The following KCNJ16 variants were observed in gnomAD, a reference collection of about 807,000 sequenced individuals.
The protein encoded by KCNJ16 is potassium inwardly rectifying channel subfamily J member 16.
KCNJ16 carries 15 observed loss-of-function variants against 18.5 expected under a neutral mutation model. That is an observed-to-expected ratio of 0.81 (90% CI 0.54 to 1.25). The LOEUF (loss-of-function observed/expected upper bound fraction) is 1.25. KCNJ16 is among the 50% of genes most tolerant of loss of function. The pLI is 0.00. For synonymous variants in KCNJ16, 174 were observed against 186.5 expected, an observed-to-expected ratio of 0.93 and a Z score of 0.55; for missense variants, 523 against 525.7, an observed-to-expected ratio of 0.99 and a Z score of 0.05.
At chr17:70,090,757 C>T (rs761726914) in intron 1 of KCNJ16, among the ~76,000 whole-genome samples, 5 of 152,048 alleles carry the variant, frequency 3.3e-5, no homozygotes, top group Non-Finnish European at 5.9e-5. Flanking sequence ...CACAATACCG[C>T]TAACCCACTC....
At chr17:70,096,458 T>C (rs899046994) in intron 1 of KCNJ16, among the ~76,000 whole-genome samples, 3 of 42,002 alleles carry the variant, frequency 7.1e-5, no homozygotes, top group Admixed American at 6.4e-4. Context: ...ATGAACTTAT[T>C]TAATTTTTAA....
intron 2 of KCNJ16, among the ~76,000 whole-genome samples, chr17:70,121,415 G>A (rs1232648592): frequency 6.6e-6 from 1 of 152,116 alleles, no homozygotes; most frequent in Non-Finnish European, 1.5e-5. Flanking sequence ...TGGCCCTCAG[G>A]CTGCAGTTTT....
intron 1 of KCNJ16, among the ~76,000 whole-genome samples, chr17:70,084,767 CCTT>C (rs1037897824): frequency 1.3e-5 from 2 of 152,106 alleles, no homozygotes; most frequent in African/African-American, 4.8e-5. Context: ...GCTTATCTCT[CCTT>C]TAAGCTGAGG....
chr17:70,093,158 G>C lies in KCNJ16; in HGVS notation c.-299-7500G>C, dbSNP rs376860592. On this transcript the variant is annotated intron_variant, in intron 1 of 3. Transcript: ENST00000392671. ...AAAAAGGTGAAATAACCTTTTGGAC[G>C]CAAGTGTGGATGCTCTATAGTATTA... 7.2e-5 allele frequency among the ~76,000 whole-genome samples: 11 copies of C among 152,314 alleles called. No individual in the cohort carries two copies. In the East Asian group the frequency reaches 2.1e-3, roughly 29 times the overall value.
At chr17:70,114,027 A>C (rs1052907757) in intron 2 of KCNJ16, among the ~76,000 whole-genome samples, 1 of 152,112 alleles carries the variant, frequency 6.6e-6, no homozygotes, top group Admixed American at 6.6e-5. Context: ...GATGCTATCT[A>C]TCTGGATCTT....
intron 2 of KCNJ16, among the ~76,000 whole-genome samples, chr17:70,103,313 T>C (rs1398217327): frequency 1.2e-4 from 2 of 16,684 alleles, no homozygotes; most frequent in African/African-American, 1.5e-4. Context: ...TATATATATA[T>C]ATATATATAC....
chr17:70,133,220 C>A lies in KCNJ16; in HGVS notation c.1133C>A (p.Ala378Asp). The change falls in exon 4 of 4, where the codon GCC becomes GAC. Residue 378 changes from alanine to aspartate, a missense_variant. Coordinates refer to ENST00000392671, the MANE Select transcript of KCNJ16 (RefSeq NM_170741.4). Reference sequence around the variant, plus strand: ...AGACGAAGGTCATTTAGTGCAGTTGCCATTGTCAGCAGCTGTGAAAACCCT... The same window carrying A: ...AGACGAAGGTCATTTAGTGCAGTTGACATTGTCAGCAGCTGTGAAAACCCT... ...KARRRSFSAV[A>D]IVSSCENPEE... The A allele has an allele frequency of 6.2e-7, 1 of 1,614,204 alleles. No individual in the cohort carries two copies. The highest frequency in any genetic ancestry group is 1.3e-5 in the African/African-American group (1 of 75,048).
In KCNJ16 at chr17:70,135,605, A is replaced by G. The variant is rs1395841783; in HGVS notation, c.*2261A>G. 1 of 163,900 alleles carries G rather than the reference A, an allele frequency of 6.1e-6. No homozygotes were observed. The highest frequency in any genetic ancestry group is 1.5e-5 in the Non-Finnish European group (1 of 68,104). The allele number at this position is 163,900 out of a possible 1,614,324, so 10.2% of individuals were successfully genotyped here. A position where few individuals can be genotyped will look rare whatever the true frequency, so the allele number is the denominator to read the frequency against. On this transcript the variant is annotated 3_prime_UTR_variant, in exon 4 of 4. Transcript: ENST00000392671. ...ATAATAAAGATCTTAAAATAATGCAAAAACTGTGTGCATATACCTATATTT... is the reference window on the plus strand; with the variant it reads ...ATAATAAAGATCTTAAAATAATGCAGAAACTGTGTGCATATACCTATATTT...
intron 2 of KCNJ16, among the ~76,000 whole-genome samples, chr17:70,111,467 T>C (rs896820066): frequency 6.6e-6 from 1 of 152,134 alleles, no homozygotes; most frequent in Non-Finnish European, 1.5e-5. Flanking sequence ...TGTACCACGC[T>C]GAATACTTGG....
rs2074141479 is a variant in KCNJ16, at chr17:70,133,582, T to C, written c.*238T>C. On this transcript the variant is annotated 3_prime_UTR_variant, in exon 4 of 4. Coordinates refer to ENST00000392671, the MANE Select transcript of KCNJ16 (RefSeq NM_170741.4). ...TGCTATTAAGCCTAATTGATTAAAA[T>C]TTATCTTTTTTATTATCTTACATGC... 1 of 386,734 alleles carries C rather than the reference T, an allele frequency of 2.6e-6. No homozygotes were observed. Among genetic ancestry groups the C allele is most frequent in the East Asian group, 4.2e-5 (1 of 23,970 alleles). The allele number at this position is 386,734 out of a possible 1,614,324, so 24.0% of individuals were successfully genotyped here. A position where few individuals can be genotyped will look rare whatever the true frequency, so the allele number is the denominator to read the frequency against.
At chr17:70,101,345 C>T (rs759988508) in intron 2 of KCNJ16, 7 of 152,090 alleles carry the variant, frequency 4.6e-5, no homozygotes, top group Non-Finnish European at 8.8e-5. Flanking sequence ...TAAAATGATT[C>T]CGTTCAGAAC....
At chr17:70,075,969 T>A (rs547142640) in intron 1 of KCNJ16, among the ~76,000 whole-genome samples, 23 of 1,874 alleles carry the variant, frequency 0.012, no homozygotes, top group South Asian at 0.07. Context: ...CTCTAAAGCT[T>A]TTTTTTTTTT....
intron 2 of KCNJ16, among the ~76,000 whole-genome samples, chr17:70,129,254 A>AT (rs1373665740): frequency 6.6e-6 from 1 of 152,270 alleles, no homozygotes. Flanking sequence ...TTACGAAAGC[A>AT]TCGAAGCACT....
At chr17:70,130,682 A>G (rs1228840427) in intron 2 of KCNJ16, among the ~76,000 whole-genome samples, 197 bp from the exon 3 acceptor site, 1 of 152,208 alleles carries the variant, frequency 6.6e-6, no homozygotes, top group African/African-American at 2.4e-5. Flanking sequence ...GGTTAGTTCC[A>G]AGGGGTCTTT....
chr17:70,131,049 T>C, intron 3 of KCNJ16, 74 bp downstream of exon 3: 1 of 1,375,310 alleles, frequency 7.3e-7, no homozygotes, highest in Non-Finnish European at 1.0e-6. Context: ...TGCCTAAGGA[T>C]GTCCGTGAAA....
chr17:70,106,909 T>C (rs993758346), intron 2 of KCNJ16, among the ~76,000 whole-genome samples: 3 of 152,198 alleles, frequency 2.0e-5, no homozygotes, highest in Admixed American at 6.5e-5. Flanking sequence ...TGATCTTTAT[T>C]AAGAGGTGGC....
At chr17:70,114,481 T>C (rs1336044848) in intron 2 of KCNJ16, among the ~76,000 whole-genome samples, 1 of 152,138 alleles carries the variant, frequency 6.6e-6, no homozygotes, top group African/African-American at 2.4e-5. Context: ...TGTTTTGAAA[T>C]GCACAGTTAG....
intron 2 of KCNJ16, among the ~76,000 whole-genome samples, chr17:70,105,818 G>C (rs1037381318): frequency 1.3e-5 from 2 of 152,194 alleles, no homozygotes; most frequent in Non-Finnish European, 2.9e-5. Context: ...TTCACTAGAA[G>C]AAGTGGCACA....
intron 2 of KCNJ16, among the ~76,000 whole-genome samples, chr17:70,129,933 T>C (rs1174713358): frequency 6.6e-6 from 1 of 151,560 alleles, no homozygotes; most frequent in Non-Finnish European, 1.5e-5. Context: ...TTTATTTATT[T>C]ATTTATTTAT....
Sources: allele counts gnomAD v4.1 joint callset (sites outside exome capture counted in the v4.1 genomes callset), GRCh38; gene constraint gnomAD v4.1.1; transcripts MANE v1.5; gene names NCBI Gene and HGNC (gene_info 2026-07-23, HGNC 2026-07-21).